Variants in SNX29 observed in about 807,000 individuals in gnomAD.
SNX29 encodes sorting nexin-29.
In SNX29, 78 loss-of-function variants were observed where a neutral mutation model predicts 102.1. The observed-to-expected ratio is 0.76, with a 90% CI of 0.64 to 0.92. The LOEUF (loss-of-function observed/expected upper bound fraction) is 0.92. SNX29 is among the 40% of genes least tolerant of loss of function. The pLI, the probability that SNX29 is intolerant of heterozygous loss-of-function variation, is 0.00. For missense variants in SNX29, 1,280 were observed against 1,061.7 expected (o/e 1.21, Z -2.86); for synonymous variants, 580 against 414.5 (o/e 1.40, Z -4.85).
chr16:12,482,553 C>T (rs984426136), intron 19 of SNX29, among the ~76,000 whole-genome samples: 4 of 152,194 alleles, frequency 2.6e-5, no homozygotes, highest in African/African-American at 9.6e-5. Flanking sequence ...ACTCCCACCT[C>T]AGCCACCCAA....
At chr16:11,983,566 G>A (rs905951389) in intron 1 of SNX29, 2 of 768,688 alleles carry the variant, frequency 2.6e-6, no homozygotes. Flanking sequence ...CCTTGTGAAG[G>A]CACTGGATTG....
rs1422712681 is a variant in SNX29, at chr16:12,572,441, G to A, written c.*3812G>A. 1.0e-5 allele frequency: 11 copies of A among 1,063,062 alleles called. No individual in the cohort carries two copies. The highest frequency in any genetic ancestry group is 1.3e-5 in the Non-Finnish European group (11 of 877,886). 65.9% of individuals were successfully genotyped at this position (1,063,062 alleles called of 1,614,324 possible). Reference sequence around the variant, plus strand: ...CAGGCCGGCAGTGGCTGCCTCTCTTGGTTCTGCATGGTACATTTTGCCAAC... The same window carrying A: ...CAGGCCGGCAGTGGCTGCCTCTCTTAGTTCTGCATGGTACATTTTGCCAAC... On this transcript the variant is annotated 3_prime_UTR_variant, in exon 21 of 21. Transcript: ENST00000566228.
intron 20 of SNX29, among the ~76,000 whole-genome samples, 166 bp from the exon 21 acceptor site, chr16:12,568,340 G>T (rs78112350): frequency 6.6e-6 from 1 of 150,974 alleles, no homozygotes; most frequent in Admixed American, 6.6e-5. Flanking sequence ...CGTGACAATA[G>T]GGGTTTCTCA....
chr16:12,496,093 C>G (rs78708498), intron 19 of SNX29, among the ~76,000 whole-genome samples: 12,949 of 152,134 alleles, frequency 0.085, 633 homozygotes, highest in African/African-American at 0.13. Context: ...GTACTGAGAA[C>G]TGAGAGGGGA....
intron 13 of SNX29, among the ~76,000 whole-genome samples, chr16:12,155,918 C>A (rs577839911): frequency 6.6e-6 from 1 of 152,344 alleles, no homozygotes; most frequent in African/African-American, 2.4e-5. Context: ...CTCCCCACTT[C>A]CTTCGAAGTA....
At chr16:12,209,239 G>A (rs2077122037) in intron 14 of SNX29, among the ~76,000 whole-genome samples, 2 of 152,230 alleles carry the variant, frequency 1.3e-5, no homozygotes, top group Non-Finnish European at 2.9e-5. Context: ...ATGATGGGCA[G>A]ATTGTGGTAG....
chr16:12,171,598 C>T (rs1431688177), intron 13 of SNX29, among the ~76,000 whole-genome samples: 1 of 152,192 alleles, frequency 6.6e-6, no homozygotes, highest in East Asian at 1.9e-4. Context: ...AGGGCTTAGC[C>T]CTCTTCTGGG....
chr16:12,200,229 CTATTAT>C (rs777379951), intron 14 of SNX29, among the ~76,000 whole-genome samples: 20 of 152,070 alleles, frequency 1.3e-4, no homozygotes, highest in Non-Finnish European at 2.2e-4. Context: ...TAAATTTTAG[CTATTAT>C]TATTATTATT....
chr16:12,018,846 C>T (rs1048258271), intron 3 of SNX29, among the ~76,000 whole-genome samples: 2 of 151,656 alleles, frequency 1.3e-5, no homozygotes, highest in Non-Finnish European at 2.9e-5. Context: ...CCGATGCCTC[C>T]GTAAGAGCTG....
chr16:12,070,473 C>T (rs1399233661), intron 10 of SNX29, among the ~76,000 whole-genome samples: 4 of 151,730 alleles, frequency 2.6e-5, no homozygotes, highest in South Asian at 2.1e-4. Flanking sequence ...TGATGATTTC[C>T]AGTTTCATCC....
chr16:12,444,017 CGTA>C (rs1273959843), intron 18 of SNX29, among the ~76,000 whole-genome samples: 1 of 148,722 alleles, frequency 6.7e-6, no homozygotes, highest in African/African-American at 2.5e-5. Flanking sequence ...GCACCTAGCA[CGTA>C]GTAAGCACTC....
At chr16:12,323,747 T>G (rs1567438288) in intron 15 of SNX29, among the ~76,000 whole-genome samples, 2 of 152,138 alleles carry the variant, frequency 1.3e-5, no homozygotes, top group Non-Finnish European at 2.9e-5. Context: ...GCCTGGAGTT[T>G]GAGTGCCATT....
chr16:12,463,374 C>G (rs1254530986), intron 18 of SNX29, among the ~76,000 whole-genome samples: 1 of 152,184 alleles, frequency 6.6e-6, no homozygotes, highest in Admixed American at 6.5e-5. Context: ...TTTAATTGGA[C>G]TCACAGTTCC....
At chr16:12,224,042 C>T (rs1291827957) in intron 14 of SNX29, among the ~76,000 whole-genome samples, 1 of 152,190 alleles carries the variant, frequency 6.6e-6, no homozygotes, top group Non-Finnish European at 1.5e-5. Flanking sequence ...GCTTCTACCT[C>T]TTGCCTTGCC....
chr16:11,989,964 G>A (rs777493123), intron 1 of SNX29, among the ~76,000 whole-genome samples: 45 of 152,226 alleles, frequency 3.0e-4, no homozygotes, highest in Non-Finnish European at 5.1e-4. Flanking sequence ...TTCAAGGAGT[G>A]AGCCTGGTTT....
chr16:12,128,132 C>G (rs2054298460), intron 12 of SNX29, among the ~76,000 whole-genome samples: 1 of 152,198 alleles, frequency 6.6e-6, no homozygotes, highest in Non-Finnish European at 1.5e-5. Flanking sequence ...CAAAAGGAAT[C>G]TTTAGACCGC....
Position 12,184,011 on chromosome 16 carries a change from C to T in SNX29, c.1596-15590C>T, listed in dbSNP as rs138041498. On this transcript the variant is annotated intron_variant, in intron 13 of 20. Transcript: ENST00000566228. ...AAAAATAACCATGACAATGGGCCAC[C>T]GGCATCCCTCGGGGCTGCTCTGTTG... 1.1e-3 allele frequency among the ~76,000 whole-genome samples: 165 copies of T among 152,320 alleles called. 2 individuals are homozygous for T. The Middle Eastern group carries it at 0.014, about 13-fold the overall frequency.
At chr16:12,354,435 T>A (rs1395762014) in intron 15 of SNX29, among the ~76,000 whole-genome samples, 10 of 152,220 alleles carry the variant, frequency 6.6e-5, no homozygotes, top group Admixed American at 6.5e-4. Context: ...CAGCTTATGG[T>A]AAACACAACT....
At chr16:12,456,266 A>G (rs1370100092) in intron 18 of SNX29, among the ~76,000 whole-genome samples, 1 of 152,218 alleles carries the variant, frequency 6.6e-6, no homozygotes, top group Non-Finnish European at 1.5e-5. Flanking sequence ...ATCAATAAAT[A>G]AAGTCTTGAT....
Sources: gnomAD v4.1 joint callset for allele counts (sites outside exome capture counted in the v4.1 genomes callset) on GRCh38, gnomAD v4.1.1 for gene constraint, MANE v1.5 for transcripts, NCBI Gene and HGNC (gene_info 2026-07-23, HGNC 2026-07-21) for gene names.